OTUD7B: variants seen among roughly 807,000 people sequenced by gnomAD.
The protein encoded by OTUD7B is OTU deubiquitinase 7B, also known as OTU domain-containing protein 7B.
Under a neutral mutation model 82.2 loss-of-function variants are expected in OTUD7B, and 34 were observed. The ratio of observed to expected loss-of-function variants is 0.41; its 90% CI spans 0.31 to 0.55. The LOEUF (loss-of-function observed/expected upper bound fraction) is 0.55, where lower values mean the gene tolerates loss of function less well. Among genes scored for constraint, OTUD7B ranks in the 20% least tolerant of loss-of-function variants. The pLI, the probability that OTUD7B is intolerant of heterozygous loss-of-function variation, is 0.20. For missense variants in OTUD7B, 944 were observed against 1,062.1 expected (o/e 0.89, Z 1.55); for synonymous variants, 398 against 402.7 (o/e 0.99, Z 0.14).
chr1:150,016,366 G>C, the OTUD7B span, among the ~76,000 whole-genome samples: 1 of 151,510 alleles, frequency 6.6e-6, no homozygotes, highest in Non-Finnish European at 1.5e-5. Context: ...CACCAGTGGT[G>C]TGCTAGTAAA....
At chr1:149,963,558 TG>T (rs372712069) in intron 6 of OTUD7B, 1 of 6,958 alleles carries the variant, frequency 1.4e-4, no homozygotes, top group Non-Finnish European at 1.0e-3. Context: ...TGTTTTTTTT[TG>T]TTTTTTTTTT....
In OTUD7B at chr1:149,941,485, C is replaced by T. The variant is rs942347741; in HGVS notation, c.*2372G>A. 1.3e-5 allele frequency: 2 copies of T among 152,212 alleles called. No homozygotes were observed. Among genetic ancestry groups the T allele is most frequent in the Admixed American group, 6.5e-5 (1 of 15,270 alleles). 9.4% of individuals were successfully genotyped at this position (152,212 alleles called of 1,614,324 possible). On this transcript the variant is annotated 3_prime_UTR_variant, in exon 12 of 12. Coordinates refer to ENST00000581312, the MANE Select transcript of OTUD7B (RefSeq NM_020205.4). ...CTCGCTAGTGTTCAAATCACAGAAA[C>T]AGGGACGTAACTAGGGTGAGGTGAG...
chr1:150,023,000 C>A, the OTUD7B span, among the ~76,000 whole-genome samples: 1 of 152,168 alleles, frequency 6.6e-6, no homozygotes. Context: ...CAGTGTAGAA[C>A]TGGGTACTAG....
intron 3 of OTUD7B, among the ~76,000 whole-genome samples, chr1:149,970,115 A>G (rs1649806638): frequency 6.7e-6 from 1 of 149,584 alleles, no homozygotes; most frequent in Non-Finnish European, 1.5e-5. Context: ...TTACTTAACC[A>G]TTCCTTTACT....
chr1:150,067,639 G>T, the OTUD7B span: 1 of 514,298 alleles, frequency 1.9e-6, no homozygotes, highest in Non-Finnish European at 3.4e-6. Flanking sequence ...GCGTGGCAGC[G>T]GCCCAGGCCG....
At position 149,971,071 on chromosome 1, in the gene OTUD7B, A is replaced by G. The variant is rs1553777505; in HGVS notation, c.266T>C (p.Ile89Thr). 2 of 1,606,484 alleles carry G rather than the reference A, an allele frequency of 1.2e-6. No individual in the cohort carries two copies. Among genetic ancestry groups the G allele is most frequent in the South Asian group, 2.2e-5 (2 of 90,446 alleles). Reference protein sequence around the residue: ...PRPILQRQDDIVQEKRLSRGI... With the variant: ...PRPILQRQDDTVQEKRLSRGI... ...TCCAGTCACCCCAGTACCTTGAACG[A>G]TGTCATCCTGCCGCTGGAGGATGGG... is the stretch of plus-strand genomic sequence containing the variant. The change falls in exon 3 of 12, where the codon ATC (isoleucine) becomes ACC (threonine). Residue 89 changes from isoleucine (I) to threonine (T), a missense_variant. Physicochemically the swap from Ile to Thr is moderately conservative, Grantham distance 89 (BLOSUM62 -1). Transcript: ENST00000581312.
At chr1:150,054,820 A>AAAAAAAAAAAAAAAAAT in the OTUD7B span, 1 of 170,374 alleles carries the variant, frequency 5.9e-6, no homozygotes, top group Non-Finnish European at 1.2e-5. Context: ...AAAAAAAAAA[A>AAAAAAAAAAAAAAAAAT]AAAAAAAAAG....
rs1285674579 is a variant in OTUD7B, at chr1:149,937,920, G to C, written c.*5937C>G. On this transcript the variant is annotated 3_prime_UTR_variant, in exon 12 of 12. Transcript: ENST00000581312. ...GACACTCAATTTTCCCCTCCCCCCA[G>C]TACACCACCCTTCTGGCCTCAGCTT... 6.6e-6 allele frequency: 1 copy of C among 152,078 alleles called. No homozygotes were observed. Among genetic ancestry groups the C allele is most frequent in the East Asian group, 1.9e-4 (1 of 5,190 alleles). The allele number at this position is 152,078 out of a possible 1,614,324, so 9.4% of individuals were successfully genotyped here.
rs2092748623 is a variant in OTUD7B at position 149,939,640 on chromosome 1, GAC to G, written c.*4215_*4216del. 6.6e-6 allele frequency: 1 copy of G among 152,398 alleles called. No homozygotes were observed. Among genetic ancestry groups the G allele is most frequent in the South Asian group, 2.1e-4 (1 of 4,822 alleles). The allele number at this position is 152,398 out of a possible 1,614,324, so 9.4% of individuals were successfully genotyped here. ...GGGCACTGACTCATTGGAGAAGGAA[GAC>G]ACAGAGGCCAGTCGCGGTGGCTCAT... On this transcript the variant is annotated 3_prime_UTR_variant, in exon 12 of 12. Coordinates refer to ENST00000581312, the MANE Select transcript of OTUD7B (RefSeq NM_020205.4).
At chr1:150,009,405 C>CA (rs1571748230) in intron 1 of OTUD7B, among the ~76,000 whole-genome samples, 2 of 152,120 alleles carry the variant, frequency 1.3e-5, no homozygotes, top group African/African-American at 4.8e-5. Context: ...CCAGCCTCCT[C>CA]AAAAATCTCC....
rs372206836 is a variant in OTUD7B at position 149,943,135 on chromosome 1, CAGG to C, written c.*719_*721del. On this transcript the variant is annotated 3_prime_UTR_variant, in exon 12 of 12. Coordinates refer to ENST00000581312, the MANE Select transcript of OTUD7B (RefSeq NM_020205.4). ...ATTAAAGACTTAGATGAGGAAAAGA[CAGG>C]GGGTAATCAGCAATCTCTTCTCAAA... 6.5e-6 allele frequency: 1 copy of C among 152,688 alleles called. No homozygotes were observed. Among genetic ancestry groups the C allele is most frequent in the African/African-American group, 2.4e-5 (1 of 41,570 alleles). 9.5% of individuals were successfully genotyped at this position (152,688 alleles called of 1,614,324 possible).
the OTUD7B span, among the ~76,000 whole-genome samples, chr1:150,058,200 C>A: frequency 7.2e-5 from 11 of 152,178 alleles, no homozygotes; most frequent in Non-Finnish European, 1.0e-4. Flanking sequence ...ACGCCAGCAC[C>A]AACATCATCT....
chr1:149,978,067 C>T lies in OTUD7B; in HGVS notation c.-66-491G>A, dbSNP rs587755801. On this transcript the variant is annotated intron_variant, in intron 1 of 11. Transcript: ENST00000581312. ...CTCCTTCACTAATGTATCCCCTGCACGTATCACTTGGCACAGTGCTAGGCA... is the reference window on the plus strand; with the variant it reads ...CTCCTTCACTAATGTATCCCCTGCATGTATCACTTGGCACAGTGCTAGGCA... Among the ~76,000 whole-genome samples the T allele has an allele frequency of 8.4e-4, 128 of 152,332 alleles. 7 individuals carry two copies. In the South Asian group the frequency reaches 0.025, roughly 30 times the overall value.
At chr1:150,015,906 C>T in the OTUD7B span, among the ~76,000 whole-genome samples, 3 of 152,090 alleles carry the variant, frequency 2.0e-5, no homozygotes, top group Non-Finnish European at 2.9e-5. Context: ...TGAGAAAATC[C>T]GCTGGAGGCT....
chr1:150,066,113 G>T, the OTUD7B span, among the ~76,000 whole-genome samples: 1 of 151,860 alleles, frequency 6.6e-6, no homozygotes, highest in Admixed American at 6.6e-5. This position sits in a 1 kb window ranked among gnomAD's most constrained non-coding sequence, Gnocchi z 4.6. Flanking sequence ...CAGAAAATGG[G>T]GAAAAATCTT....
chr1:149,973,001 T>G (rs1378376450), intron 2 of OTUD7B, among the ~76,000 whole-genome samples: 1 of 152,160 alleles, frequency 6.6e-6, no homozygotes, highest in Non-Finnish European at 1.5e-5. Context: ...CTCCTCAAGT[T>G]TCCTCAGATT....
Position 149,959,721 on chromosome 1 carries a change from G to A in OTUD7B, c.808C>T (p.Arg270Ter), listed in dbSNP as rs1553775272. The A allele has an allele frequency of 1.9e-6, 3 of 1,613,670 alleles. No homozygotes were observed. Among genetic ancestry groups the A allele is most frequent in the South Asian group, 1.1e-5 (1 of 91,066 alleles). ...GCTCCATTGGTACCTAGATGCATTC[G>A]GGGTTCACTTGAGGCAAGCTTGATC... ...ELIKLASSEPRMHLGTNGANC... is the reference protein window; with the variant it reads ...ELIKLASSEP The change falls in exon 7 of 12, where the codon CGA becomes TGA. Residue 270 changes from arginine (R) to a stop codon, truncating the protein, a stop_gained. Transcript: ENST00000581312. LOFTEE classifies it high-confidence loss of function.
At chr1:149,976,927 C>T (rs1432403369) in intron 2 of OTUD7B, among the ~76,000 whole-genome samples, 1 of 152,062 alleles carries the variant, frequency 6.6e-6, no homozygotes, top group Non-Finnish European at 1.5e-5. Context: ...TCAAGACCAG[C>T]CTGGCCAACA....
At chr1:150,036,066 C>G in the OTUD7B span, among the ~76,000 whole-genome samples, 4 of 151,568 alleles carry the variant, frequency 2.6e-5, no homozygotes, top group Non-Finnish European at 4.4e-5. Flanking sequence ...GATCTTCCCC[C>G]CTCAGCCTTC....
Sources: allele counts gnomAD v4.1 joint callset (sites outside exome capture counted in the v4.1 genomes callset), GRCh38; gene constraint gnomAD v4.1.1; non-coding constraint Gnocchi (gnomAD v3.1); transcripts MANE v1.5; gene names NCBI Gene and HGNC (gene_info 2026-07-23, HGNC 2026-07-21).